The following HIBADH variants were observed in gnomAD, a reference collection of about 807,000 sequenced individuals.
HIBADH encodes 3-hydroxyisobutyrate dehydrogenase, also known as 3-hydroxyisobutyrate dehydrogenase, mitochondrial.
HIBADH carries 25 observed loss-of-function variants against 36.1 expected under a neutral mutation model. The ratio of observed to expected loss-of-function variants is 0.69; its 90% confidence interval spans 0.50 to 0.97. The LOEUF is 0.97. Among genes scored for constraint, HIBADH ranks in the 50% least tolerant of loss-of-function variants. HIBADH has a pLI of 0.00. For missense variants in HIBADH, 421 were observed against 418.0 expected (o/e 1.01, Z -0.06); for synonymous variants, 160 against 149.5 (o/e 1.07, Z -0.51).
chr7:27,636,758 A>T (rs1031657662), intron 2 of HIBADH, among the ~76,000 whole-genome samples: 4 of 152,262 alleles, frequency 2.6e-5, no homozygotes, highest in African/African-American at 9.6e-5. Context: ...AAAATGAAGC[A>T]CAAGTCACAT....
chr7:27,659,412 C>T (rs1786371380), intron 1 of HIBADH, among the ~76,000 whole-genome samples: 1 of 152,088 alleles, frequency 6.6e-6, no homozygotes, highest in Non-Finnish European at 1.5e-5. Flanking sequence ...CTTTTCAATG[C>T]TTTAAGTATT....
intron 4 of HIBADH, among the ~76,000 whole-genome samples, chr7:27,554,670 G>A (rs189515305): frequency 1.3e-5 from 2 of 152,272 alleles, no homozygotes; most frequent in African/African-American, 4.8e-5. Context: ...AGAAGTAATG[G>A]CTGTCAGAGG....
intron 3 of HIBADH, among the ~76,000 whole-genome samples, chr7:27,630,358 CT>C (rs1391848700): frequency 6.6e-6 from 1 of 152,060 alleles, no homozygotes; most frequent in African/African-American, 2.4e-5. Context: ...CCAGGCTGAT[CT>C]TGAACTCCTG....
intron 4 of HIBADH, among the ~76,000 whole-genome samples, chr7:27,574,897 G>A (rs1485132996): frequency 6.6e-6 from 1 of 152,124 alleles, no homozygotes; most frequent in Non-Finnish European, 1.5e-5. Context: ...CTCTCATTTA[G>A]GAGATTTAAT....
chr7:27,541,204 T>C (rs571860650), intron 5 of HIBADH, among the ~76,000 whole-genome samples: 60 of 152,148 alleles, frequency 3.9e-4, no homozygotes, highest in Admixed American at 3.1e-3. Context: ...AGATATACTT[T>C]CTCTTCAATG....
intron 2 of HIBADH, among the ~76,000 whole-genome samples, chr7:27,648,808 T>G (rs1786123677): frequency 2.0e-5 from 3 of 152,226 alleles, no homozygotes; most frequent in African/African-American, 7.2e-5. Flanking sequence ...AATGATAGCC[T>G]AAAAACACTA....
intron 3 of HIBADH, 142 bp downstream of exon 3, chr7:27,632,194 A>G: frequency 5.4e-6 from 3 of 556,780 alleles, no homozygotes; most frequent in Non-Finnish European, 9.2e-6. Flanking sequence ...TACAATGAGA[A>G]AACCACCACA....
intron 7 of HIBADH, 98 bp from the exon 8 acceptor site, chr7:27,526,470 A>C (rs1783899536): frequency 1.1e-6 from 1 of 903,024 alleles, no homozygotes; most frequent in Non-Finnish European, 1.6e-6. Context: ...GGAAAAATGT[A>C]ATCTGAAAAA....
chr7:27,643,617 T>C (rs1786001238), intron 2 of HIBADH, among the ~76,000 whole-genome samples: 1 of 152,206 alleles, frequency 6.6e-6, no homozygotes, highest in Non-Finnish European at 1.5e-5. Context: ...ATTTTGTAGA[T>C]TCCCAATGTT....
At chr7:27,625,675 T>A (rs920674293) in intron 4 of HIBADH, among the ~76,000 whole-genome samples, 8 of 152,186 alleles carry the variant, frequency 5.3e-5, no homozygotes, top group Non-Finnish European at 2.9e-5. Context: ...TTTATAAATA[T>A]GTTGCACATA....
chr7:27,535,132 T>G (rs1014214102), intron 6 of HIBADH, among the ~76,000 whole-genome samples: 5 of 151,612 alleles, frequency 3.3e-5, no homozygotes, highest in Admixed American at 2.6e-4. Flanking sequence ...GACATGGTCT[T>G]AGATGTTTCA....
chr7:27,609,308 T>C (rs375962253), intron 4 of HIBADH, among the ~76,000 whole-genome samples: 2 of 152,172 alleles, frequency 1.3e-5, no homozygotes, highest in South Asian at 4.1e-4. Flanking sequence ...TTACTGTCTA[T>C]GACAACTGTT....
chr7:27,662,806 C>G lies in HIBADH; in HGVS notation c.-18G>C. 6.8e-7 allele frequency: 1 copy of G among 1,467,722 alleles called. No homozygotes were observed. The allele number at this position is 1,467,722 out of a possible 1,614,324, so 90.9% of individuals were successfully genotyped here. On this transcript the variant is annotated 5_prime_UTR_variant, in exon 1 of 8. Transcript: ENST00000265395. ...GCTGCCATGCTGCGCCCGCCCCTCTCCCCGCGGTGACCTCCGCCGCCTCCC... is the reference window on the plus strand; with the variant it reads ...GCTGCCATGCTGCGCCCGCCCCTCTGCCCGCGGTGACCTCCGCCGCCTCCC...
intron 4 of HIBADH, among the ~76,000 whole-genome samples, chr7:27,618,781 T>C (rs1251661933): frequency 2.0e-5 from 3 of 152,012 alleles, no homozygotes; most frequent in East Asian, 3.9e-4. Context: ...TCAGGGAGCT[T>C]TTTCTCATAG....
intron 7 of HIBADH, among the ~76,000 whole-genome samples, chr7:27,528,141 TA>T: frequency 6.6e-6 from 1 of 151,906 alleles, no homozygotes; most frequent in Non-Finnish European, 1.5e-5. Flanking sequence ...ACATAATCGA[TA>T]AATGTGGTAC....
At chr7:27,598,783 T>C (rs919848127) in intron 4 of HIBADH, among the ~76,000 whole-genome samples, 1 of 151,822 alleles carries the variant, frequency 6.6e-6, no homozygotes, top group Admixed American at 6.6e-5. Context: ...AGACAGGAAT[T>C]GCTTCAATAC....
intron 3 of HIBADH, among the ~76,000 whole-genome samples, chr7:27,630,117 T>TTA (rs1362282999): frequency 1.3e-4 from 20 of 152,200 alleles, no homozygotes; most frequent in South Asian, 2.1e-4. Flanking sequence ...TTAGGGTAAC[T>TTA]TATATATATA....
intron 1 of HIBADH, among the ~76,000 whole-genome samples, chr7:27,653,473 C>T (rs1030035346): frequency 9.9e-5 from 15 of 152,244 alleles, no homozygotes; most frequent in East Asian, 9.7e-4. Flanking sequence ...TGGTGGCTCA[C>T]GCCTGTAATG....
At chr7:27,658,666 T>C (rs919454212) in intron 1 of HIBADH, among the ~76,000 whole-genome samples, 10 of 152,166 alleles carry the variant, frequency 6.6e-5, no homozygotes, top group African/African-American at 2.4e-4. Flanking sequence ...GGGGAAGCAA[T>C]CTCATTACAC....
Sources: gnomAD v4.1 joint callset for allele counts (sites outside exome capture counted in the v4.1 genomes callset) on GRCh38, gnomAD v4.1.1 for gene constraint, MANE v1.5 for transcripts, NCBI Gene and HGNC (gene_info 2026-07-23, HGNC 2026-07-21) for gene names.